The following HTR1F variants were observed in gnomAD, a reference collection of about 807,000 sequenced individuals.
HTR1F encodes 5-hydroxytryptamine receptor 1F.
HTR1F carries 17 observed loss-of-function variants against 24.0 expected under a neutral mutation model. The observed-to-expected ratio is 0.71, with a 90% CI of 0.48 to 1.06. The LOEUF is 1.06. HTR1F is among the 50% of genes least tolerant of loss of function. The probability of loss-of-function intolerance (pLI) is 0.00; values close to 1 mark genes in which losing one functional copy is unlikely to be tolerated. For missense variants in HTR1F, 391 were observed against 427.8 expected (o/e 0.91, Z 0.76); for synonymous variants, 186 against 156.8 (o/e 1.19, Z -1.39).
chr3:87,888,836 T>C (rs1293572621), intron 2 of HTR1F, among the ~76,000 whole-genome samples: 1 of 152,172 alleles, frequency 6.6e-6, no homozygotes, highest in Non-Finnish European at 1.5e-5. Flanking sequence ...TACTTCAAAA[T>C]AAGCACTCAA....
At chr3:87,946,862 T>A (rs1704722614) in intron 2 of HTR1F, among the ~76,000 whole-genome samples, 1 of 151,998 alleles carries the variant, frequency 6.6e-6, no homozygotes, top group Non-Finnish European at 1.5e-5. Context: ...CCTGACCTCA[T>A]GATCTGCCCG....
chr3:87,936,356 C>A (rs1704414889), intron 2 of HTR1F, among the ~76,000 whole-genome samples: 1 of 152,132 alleles, frequency 6.6e-6, no homozygotes, highest in South Asian at 2.1e-4. Context: ...CTATAGAATA[C>A]AATTGTGTTC....
At chr3:87,942,695 C>T (rs1414414334) in intron 2 of HTR1F, among the ~76,000 whole-genome samples, 1 of 151,882 alleles carries the variant, frequency 6.6e-6, no homozygotes, top group Non-Finnish European at 1.5e-5. Flanking sequence ...TTTACCAGGG[C>T]CTCCAAAGTC....
intron 2 of HTR1F, among the ~76,000 whole-genome samples, chr3:87,846,436 C>CA (rs10649883): frequency 0.013 from 1,944 of 147,338 alleles, 77 homozygotes; most frequent in African/African-American, 0.043. Flanking sequence ...GACTCCATCT[C>CA]AAAAAAAAAA....
intron 2 of HTR1F, among the ~76,000 whole-genome samples, chr3:87,862,461 TACCTACAG>T (rs1185806332): frequency 6.6e-6 from 1 of 152,232 alleles, no homozygotes; most frequent in Non-Finnish European, 1.5e-5. Context: ...TCTTGTATCT[TACCTACAG>T]AATTTTGGGA....
intron 2 of HTR1F, among the ~76,000 whole-genome samples, chr3:87,967,048 C>G (rs781732095): frequency 3.3e-5 from 5 of 152,068 alleles, no homozygotes; most frequent in Admixed American, 3.3e-4. Flanking sequence ...AGTTCTACTA[C>G]GTACAATGAA....
chr3:87,890,955 C>A (rs1706068322), intron 2 of HTR1F, among the ~76,000 whole-genome samples: 1 of 151,696 alleles, frequency 6.6e-6, no homozygotes. Flanking sequence ...GATTCTCCCA[C>A]CTCAGCCTCC....
At chr3:87,894,058 G>C (rs572594864) in intron 2 of HTR1F, among the ~76,000 whole-genome samples, 1 of 150,472 alleles carries the variant, frequency 6.6e-6, no homozygotes, top group Non-Finnish European at 1.5e-5. Flanking sequence ...GGTGGTATTT[G>C]GTTCCCCATA....
rs1169087957 is a variant in HTR1F at position 87,992,587 on chromosome 3, A to G, written c.*737A>G. The G allele has an allele frequency of 1.2e-5, 2 of 167,056 alleles. No individual in the cohort carries two copies. The highest frequency in any genetic ancestry group is 1.5e-5 in the Non-Finnish European group (1 of 68,078). The allele number at this position is 167,056 out of a possible 1,614,324, so 10.3% of individuals were successfully genotyped here. On this transcript the variant is annotated 3_prime_UTR_variant, in exon 3 of 3. Transcript: ENST00000319595. ...AAATCAAAGCCTTACCTTAGTAACA[A>G]TAACTCAACAAAGGGGCATGGGTGA...
intron 2 of HTR1F, among the ~76,000 whole-genome samples, chr3:87,988,906 C>T (rs1705741264): frequency 6.6e-6 from 1 of 151,906 alleles, no homozygotes; most frequent in Non-Finnish European, 1.5e-5. Flanking sequence ...TACCTAACCA[C>T]ATTATATGTA....
chr3:87,822,808 A>G (rs563886977), intron 2 of HTR1F, among the ~76,000 whole-genome samples: 1 of 152,314 alleles, frequency 6.6e-6, no homozygotes, highest in African/African-American at 2.4e-5. Flanking sequence ...AACATAATAA[A>G]TGTTACTCTT....
intron 2 of HTR1F, among the ~76,000 whole-genome samples, chr3:87,848,131 C>CT (rs1433217414): frequency 2.6e-5 from 4 of 151,848 alleles, no homozygotes; most frequent in Non-Finnish European, 5.9e-5. Context: ...TACATTCTCA[C>CT]TAACAGTGTA....
chr3:87,934,724 GAA>G (rs1704369668), intron 2 of HTR1F, among the ~76,000 whole-genome samples: 1 of 152,122 alleles, frequency 6.6e-6, no homozygotes. Context: ...ACATAAGACT[GAA>G]GCATTTTGCA....
chr3:87,940,950 C>T (rs1298657747), intron 2 of HTR1F, among the ~76,000 whole-genome samples: 2 of 152,190 alleles, frequency 1.3e-5, no homozygotes, highest in African/African-American at 2.4e-5. Flanking sequence ...CTGCTACTGC[C>T]GCCACTACCT....
At chr3:87,984,441 GTT>G (rs1294175169) in intron 2 of HTR1F, among the ~76,000 whole-genome samples, 1 of 119,466 alleles carries the variant, frequency 8.4e-6, no homozygotes, top group Non-Finnish European at 1.8e-5. Flanking sequence ...TAGGAAAGAG[GTT>G]TTTTTGTTTG....
At chr3:87,880,175 C>T (rs1181727091) in intron 2 of HTR1F, among the ~76,000 whole-genome samples, 3 of 151,928 alleles carry the variant, frequency 2.0e-5, no homozygotes, top group African/African-American at 4.8e-5. Flanking sequence ...TGCAGGATAA[C>T]GAGAATGATG....
At chr3:87,938,796 G>C (rs1172897450) in intron 2 of HTR1F, among the ~76,000 whole-genome samples, 1 of 152,132 alleles carries the variant, frequency 6.6e-6, no homozygotes, top group Non-Finnish European at 1.5e-5. Context: ...ACTCAAGATG[G>C]ATTAAAGACT....
chr3:87,927,325 T>G (rs1427628598), intron 2 of HTR1F, among the ~76,000 whole-genome samples: 1 of 151,828 alleles, frequency 6.6e-6, no homozygotes, highest in Non-Finnish European at 1.5e-5. Flanking sequence ...TGTTTCATGT[T>G]GATTACAGAA....
At chr3:87,802,662 T>C (rs1704013789) in intron 1 of HTR1F, among the ~76,000 whole-genome samples, 1 of 152,098 alleles carries the variant, frequency 6.6e-6, no homozygotes, top group Non-Finnish European at 1.5e-5. Flanking sequence ...TTTTGTTTTC[T>C]AATTATCATA....
Sources: gnomAD v4.1 joint callset for allele counts (sites outside exome capture counted in the v4.1 genomes callset) on GRCh38, gnomAD v4.1.1 for gene constraint, MANE v1.5 for transcripts, NCBI Gene and HGNC (gene_info 2026-07-23, HGNC 2026-07-21) for gene names.